The following SLC25A21 variants were observed in gnomAD, a reference collection of about 807,000 sequenced individuals.
SLC25A21 encodes solute carrier family 25 member 21.
Under a neutral mutation model 43.8 loss-of-function variants are expected in SLC25A21, and 47 were observed. The ratio of observed to expected loss-of-function variants is 1.07; its 90% confidence interval spans 0.85 to 1.37. The LOEUF (loss-of-function observed/expected upper bound fraction) is 1.37. Ranked by LOEUF, SLC25A21 falls within the 40% of genes most tolerant of loss-of-function variation. SLC25A21 has a pLI of 0.00. For missense variants in SLC25A21, 352 were observed against 350.2 expected, an observed-to-expected ratio of 1.00 and a Z score of -0.04; for synonymous variants, 131 against 121.3, an observed-to-expected ratio of 1.08 and a Z score of -0.52.
chr14:37,020,446 C>CTTT (rs535616394), intron 1 of SLC25A21, among the ~76,000 whole-genome samples: 2 of 145,808 alleles, frequency 1.4e-5, no homozygotes, highest in African/African-American at 5.0e-5. Context: ...GAAAAAGTCA[C>CTTT]TTTTTTTTTT....
At chr14:37,037,982 T>C (rs1029268678) in intron 1 of SLC25A21, among the ~76,000 whole-genome samples, 3 of 152,218 alleles carry the variant, frequency 2.0e-5, no homozygotes, top group Non-Finnish European at 4.4e-5. Flanking sequence ...GTTCTTTCCT[T>C]TGCATTTTGC....
intron 1 of SLC25A21, among the ~76,000 whole-genome samples, chr14:37,049,671 C>T (rs1027704511): frequency 6.6e-6 from 1 of 152,130 alleles, no homozygotes; most frequent in Non-Finnish European, 1.5e-5. Flanking sequence ...ATGAGACCCA[C>T]ATATGTAAGT....
chr14:36,876,784 T>G (rs945323704), intron 1 of SLC25A21, among the ~76,000 whole-genome samples: 1 of 151,748 alleles, frequency 6.6e-6, no homozygotes, highest in South Asian at 2.1e-4. Flanking sequence ...TAATATTCTA[T>G]GTTTGTTGCT....
intron 1 of SLC25A21, among the ~76,000 whole-genome samples, chr14:37,080,282 A>G (rs1287604505): frequency 6.6e-6 from 1 of 152,184 alleles, no homozygotes; most frequent in African/African-American, 2.4e-5. Context: ...CTGAGGGCAC[A>G]GACTACTTTT....
At chr14:37,101,290 A>T (rs1218793568) in intron 1 of SLC25A21, among the ~76,000 whole-genome samples, 1 of 152,078 alleles carries the variant, frequency 6.6e-6, no homozygotes, top group African/African-American at 2.4e-5. Context: ...TCTTCTTCTA[A>T]GTCAGTTTAT....
intron 1 of SLC25A21, among the ~76,000 whole-genome samples, chr14:36,882,506 T>C (rs1461700264): frequency 6.6e-6 from 1 of 152,202 alleles, no homozygotes; most frequent in Non-Finnish European, 1.5e-5. Flanking sequence ...GAATGGTATC[T>C]CTAGGTTGTG....
At chr14:36,944,320 G>A (rs1892634088) in intron 1 of SLC25A21, among the ~76,000 whole-genome samples, 1 of 152,182 alleles carries the variant, frequency 6.6e-6, no homozygotes, top group African/African-American at 2.4e-5. Flanking sequence ...AGTGGGCTTT[G>A]AGAAATTGTT....
chr14:36,930,829 T>C (rs1892267109), intron 1 of SLC25A21, among the ~76,000 whole-genome samples: 1 of 152,114 alleles, frequency 6.6e-6, no homozygotes, highest in Non-Finnish European at 1.5e-5. Context: ...CCTCCCCACA[T>C]ATCCACCTAA....
Position 36,680,387 on chromosome 14 carries a change from T to G in SLC25A21, c.*271A>C. ...CAAAGTTTCTATTTATTTTATGAAA[T>G]AAATATATGATTTCTATGCTATTTT... is the stretch of plus-strand genomic sequence containing the variant. On this transcript the variant is annotated 3_prime_UTR_variant, in exon 10 of 10. Coordinates refer to ENST00000331299, the MANE Select transcript of SLC25A21 (RefSeq NM_030631.4). 9.4e-7 allele frequency: 1 copy of G among 1,067,406 alleles called. No individual in the cohort carries two copies. Among genetic ancestry groups the G allele is most frequent in the Non-Finnish European group, 1.1e-6 (1 of 877,806 alleles). The allele number at this position is 1,067,406 out of a possible 1,614,324, so 66.1% of individuals were successfully genotyped here.
intron 1 of SLC25A21, among the ~76,000 whole-genome samples, chr14:36,943,967 C>T (rs894353130): frequency 2.0e-5 from 3 of 152,068 alleles, no homozygotes; most frequent in African/African-American, 7.2e-5. Flanking sequence ...ATTATCACCA[C>T]TAAATTTATT....
intron 1 of SLC25A21, among the ~76,000 whole-genome samples, chr14:37,140,878 G>A (rs996066837): frequency 1.3e-5 from 2 of 152,128 alleles, no homozygotes; most frequent in Admixed American, 1.3e-4. Context: ...GGCACGGTAA[G>A]GCTCACGCCT....
chr14:36,709,548 T>A (rs890259163), intron 7 of SLC25A21, among the ~76,000 whole-genome samples: 2 of 152,188 alleles, frequency 1.3e-5, no homozygotes, highest in African/African-American at 4.8e-5. Flanking sequence ...ATATACACTG[T>A]GGCCAATCAA....
chr14:36,891,298 A>C (rs1891065334), intron 1 of SLC25A21, among the ~76,000 whole-genome samples: 1 of 152,214 alleles, frequency 6.6e-6, no homozygotes, highest in Non-Finnish European at 1.5e-5. Flanking sequence ...CACCAAGGGC[A>C]TTGTAAATCC....
chr14:37,025,816 A>C (rs1338386906), intron 1 of SLC25A21, among the ~76,000 whole-genome samples: 2 of 152,102 alleles, frequency 1.3e-5, no homozygotes, highest in Admixed American at 6.6e-5. Context: ...TGGAGATGCA[A>C]TTTAGCAACG....
intron 1 of SLC25A21, among the ~76,000 whole-genome samples, chr14:36,924,578 T>A (rs1051639354): frequency 6.6e-6 from 1 of 151,882 alleles, no homozygotes; most frequent in African/African-American, 2.4e-5. Flanking sequence ...CTAATGGAAA[T>A]GATGAGTTAA....
intron 1 of SLC25A21, among the ~76,000 whole-genome samples, chr14:37,028,397 G>T (rs950377106): frequency 2.0e-5 from 3 of 152,076 alleles, no homozygotes; most frequent in African/African-American, 7.2e-5. Context: ...CATCATTAGT[G>T]TCACTTCTCT....
intron 2 of SLC25A21, among the ~76,000 whole-genome samples, chr14:36,874,457 C>T (rs1485203369): frequency 6.6e-6 from 1 of 152,148 alleles, no homozygotes; most frequent in East Asian, 1.9e-4. Context: ...CCCTGGCTTG[C>T]ACTGACCATA....
At chr14:37,115,017 TG>T (rs1963082311) in intron 1 of SLC25A21, among the ~76,000 whole-genome samples, 1 of 152,164 alleles carries the variant, frequency 6.6e-6, no homozygotes, top group Non-Finnish European at 1.5e-5. Flanking sequence ...TAGTGACATT[TG>T]TACCCAAAAT....
At chr14:36,760,113 G>A (rs1886087458) in intron 3 of SLC25A21, among the ~76,000 whole-genome samples, 1 of 152,090 alleles carries the variant, frequency 6.6e-6, no homozygotes. Flanking sequence ...ACTGGCAGTC[G>A]CTGAGGACTT....
Sources: allele counts gnomAD v4.1 joint callset (sites outside exome capture counted in the v4.1 genomes callset), GRCh38; gene constraint gnomAD v4.1.1; transcripts MANE v1.5; gene names NCBI Gene and HGNC (gene_info 2026-07-23, HGNC 2026-07-21).